Variants in ATP8A2 observed in about 807,000 individuals in gnomAD.
ATP8A2 encodes the protein ATPase phospholipid transporting 8A2.
ATP8A2 carries 100 observed loss-of-function variants against 165.6 expected under a neutral mutation model. The ratio of observed to expected loss-of-function variants is 0.60; its 90% confidence interval spans 0.51 to 0.71. The LOEUF (loss-of-function observed/expected upper bound fraction) is 0.71, where lower values mean the gene tolerates loss of function less well. ATP8A2 is among the 30% of genes least tolerant of loss of function. The pLI, the probability that ATP8A2 is intolerant of heterozygous loss-of-function variation, is 0.00. For missense variants in ATP8A2, 1,227 were observed against 1,479.5 expected, an observed-to-expected ratio of 0.83 and a Z score of 2.80; for synonymous variants, 543 against 548.8, an observed-to-expected ratio of 0.99 and a Z score of 0.15.
chr13:25,975,222 C>A (rs1208401275), intron 35 of ATP8A2, among the ~76,000 whole-genome samples: 1 of 152,182 alleles, frequency 6.6e-6, no homozygotes, highest in Non-Finnish European at 1.5e-5. Flanking sequence ...TCTGATGTCA[C>A]CAACTTCCCT....
chr13:25,846,730 G>A (rs1951874519), intron 30 of ATP8A2, among the ~76,000 whole-genome samples: 1 of 152,136 alleles, frequency 6.6e-6, no homozygotes, highest in Non-Finnish European at 1.5e-5. Flanking sequence ...GATAATGATT[G>A]GAGTCCTGTT....
chr13:25,971,627 C>T (rs1326276743), intron 35 of ATP8A2, among the ~76,000 whole-genome samples: 3 of 152,028 alleles, frequency 2.0e-5, no homozygotes, highest in Non-Finnish European at 4.4e-5. Context: ...GAGGAAAGGA[C>T]GGTGACTTCA....
At chr13:25,775,234 C>T (rs978428743) in intron 27 of ATP8A2, among the ~76,000 whole-genome samples, 3 of 152,144 alleles carry the variant, frequency 2.0e-5, no homozygotes, top group African/African-American at 7.2e-5. Flanking sequence ...TTCCTCTTTG[C>T]CATGCCTCTT....
chr13:25,583,743 A>AC (rs2039841680), intron 23 of ATP8A2, among the ~76,000 whole-genome samples: 1 of 152,250 alleles, frequency 6.6e-6, no homozygotes, highest in Non-Finnish European at 1.5e-5. Flanking sequence ...TTTTACTTGT[A>AC]TGTGATGAGG....
intron 33 of ATP8A2, among the ~76,000 whole-genome samples, chr13:25,887,819 AGTTT>A (rs1203600277): frequency 6.6e-6 from 1 of 151,954 alleles, no homozygotes; most frequent in African/African-American, 2.4e-5. Flanking sequence ...GAGGATTCCC[AGTTT>A]GTTTGTGTTT....
intron 1 of ATP8A2, among the ~76,000 whole-genome samples, chr13:25,465,714 T>TC (rs1491514797): frequency 1.8e-5 from 1 of 56,206 alleles, no homozygotes; most frequent in Non-Finnish European, 3.3e-5. Flanking sequence ...TTTCTTTCTT[T>TC]CTTTCTTTCT....
intron 33 of ATP8A2, among the ~76,000 whole-genome samples, chr13:25,898,618 C>T (rs1029432340): frequency 6.6e-6 from 1 of 152,210 alleles, no homozygotes; most frequent in African/African-American, 2.4e-5. Context: ...TGCCCTGCCC[C>T]CAGAGGTGGA....
intron 30 of ATP8A2, among the ~76,000 whole-genome samples, chr13:25,856,978 A>G (rs370669058): frequency 1.3e-5 from 2 of 152,220 alleles, no homozygotes; most frequent in East Asian, 1.9e-4. Context: ...CTCCCATAAA[A>G]GCTGGACTAT....
intron 24 of ATP8A2, among the ~76,000 whole-genome samples, chr13:25,696,439 G>A (rs1178869750): frequency 6.6e-6 from 1 of 152,168 alleles, no homozygotes; most frequent in East Asian, 1.9e-4. Context: ...TCTTTTAATA[G>A]ACGGCTGTTT....
chr13:25,736,724 G>A (rs1298881252), intron 25 of ATP8A2, among the ~76,000 whole-genome samples: 6 of 152,118 alleles, frequency 3.9e-5, no homozygotes, highest in East Asian at 1.9e-4. Context: ...AGAAATGGAC[G>A]GTGGGCTGGA....
intron 33 of ATP8A2, among the ~76,000 whole-genome samples, chr13:25,925,535 CA>C (rs200471026): frequency 0.032 from 3,911 of 122,032 alleles, 134 homozygotes; most frequent in African/African-American, 0.11. Flanking sequence ...GTCTCTGTCT[CA>C]AAAAAAAAAA....
At chr13:25,390,958 A>G (rs764630407) in intron 1 of ATP8A2, among the ~76,000 whole-genome samples, 7 of 152,022 alleles carry the variant, frequency 4.6e-5, no homozygotes, top group Non-Finnish European at 1.0e-4. Context: ...ATGTTGCCAC[A>G]TATCTCAGTG....
At chr13:25,732,372 G>A (rs2043670866) in intron 25 of ATP8A2, among the ~76,000 whole-genome samples, 1 of 152,166 alleles carries the variant, frequency 6.6e-6, no homozygotes. Flanking sequence ...CATTCACACT[G>A]CAGTCCTCTG....
chr13:25,495,105 A>T (rs2036634672), intron 2 of ATP8A2, among the ~76,000 whole-genome samples: 1 of 152,226 alleles, frequency 6.6e-6, no homozygotes, highest in Non-Finnish European at 1.5e-5. Flanking sequence ...CGTTGAGGAC[A>T]TTTGGGCAAA....
chr13:25,441,700 C>CT (rs2034936038), intron 1 of ATP8A2, among the ~76,000 whole-genome samples: 1 of 152,020 alleles, frequency 6.6e-6, no homozygotes, highest in Non-Finnish European at 1.5e-5. Flanking sequence ...GGCATATATA[C>CT]TTTAAGAATT....
intron 1 of ATP8A2, among the ~76,000 whole-genome samples, chr13:25,460,222 G>C (rs507012): frequency 0.68 from 104,082 of 152,078 alleles, 36,022 homozygotes; most frequent in East Asian, 0.99. Flanking sequence ...AACAAACAAA[G>C]AAGCAAACAA....
At position 25,961,603 on chromosome 13, in the gene ATP8A2, T is replaced by A. The variant is rs1193228535; in HGVS notation, c.3212T>A (p.Phe1071Tyr). Reference sequence around the variant, plus strand: ...ACTATGGTCCTGAGCTCCGCACACTTCTGGTTGGGATTATTTCTGGTTCCT... The same window carrying A: ...ACTATGGTCCTGAGCTCCGCACACTACTGGTTGGGATTATTTCTGGTTCCT... ...QATMVLSSAH[F>Y]WLGLFLVPTA... Residue 1071 changes from phenylalanine to tyrosine, a missense_variant, in exon 34 of 37, where the codon TTC (phenylalanine) becomes TAC (tyrosine). Coordinates refer to ENST00000381655, the MANE Select transcript of ATP8A2 (RefSeq NM_016529.6). 9 of 1,614,008 alleles carry A rather than the reference T, an allele frequency of 5.6e-6. No individual in the cohort carries two copies. Among genetic ancestry groups the A allele is most frequent in the Non-Finnish European group, 7.6e-6 (9 of 1,179,960 alleles).
At chr13:25,733,019 G>A (rs1416728413) in intron 25 of ATP8A2, among the ~76,000 whole-genome samples, 1 of 151,904 alleles carries the variant, frequency 6.6e-6, no homozygotes, top group African/African-American at 2.4e-5. Flanking sequence ...AAACTGAATG[G>A]GTAGTATCTA....
At chr13:25,982,818 T>C (rs1047735651) in intron 35 of ATP8A2, among the ~76,000 whole-genome samples, 1 of 152,216 alleles carries the variant, frequency 6.6e-6, no homozygotes, top group African/African-American at 2.4e-5. Flanking sequence ...ATAAATAAAT[T>C]TCTTTATATG....
Sources: allele counts gnomAD v4.1 joint callset (sites outside exome capture counted in the v4.1 genomes callset), GRCh38; gene constraint gnomAD v4.1.1; transcripts MANE v1.5; gene names NCBI Gene and HGNC (gene_info 2026-07-23, HGNC 2026-07-21).